The following LRCH1 variants were observed in gnomAD, a reference collection of about 807,000 sequenced individuals.
LRCH1 encodes the protein leucine-rich repeat and calponin homology domain-containing protein 1.
Under a neutral mutation model 94.9 loss-of-function variants are expected in LRCH1, and 23 were observed. The observed-to-expected ratio is 0.24, with a 90% confidence interval of 0.17 to 0.34. The LOEUF (loss-of-function observed/expected upper bound fraction) is 0.34, where lower values mean the gene tolerates loss of function less well. Among genes scored for constraint, LRCH1 ranks in the 10% least tolerant of loss-of-function variants. The pLI is 1.00. For synonymous variants in LRCH1, 364 were observed against 354.9 expected (o/e 1.03, Z -0.29); for missense variants, 790 against 945.9 (o/e 0.84, Z 2.16).
At chr13:46,587,279 A>G (rs1172440632) in intron 1 of LRCH1, among the ~76,000 whole-genome samples, 1 of 152,194 alleles carries the variant, frequency 6.6e-6, no homozygotes, top group Non-Finnish European at 1.5e-5. Flanking sequence ...TCTTCAGCCA[A>G]TGGAATGGCA....
chr13:46,553,823 C>T, intron 1 of LRCH1, 120 bp downstream of exon 1: 10 of 1,516,798 alleles, frequency 6.6e-6, no homozygotes, highest in Non-Finnish European at 8.9e-6. Context: ...GGTCCATCGG[C>T]CCGTTGTCTC....
At chr13:46,695,139 A>G in intron 9 of LRCH1, 122 bp downstream of exon 9, 1 of 1,213,396 alleles carries the variant, frequency 8.2e-7, no homozygotes, top group Non-Finnish European at 1.2e-6. Context: ...CCCTCCCTGA[A>G]GCGTTCCAAA....
intron 13 of LRCH1, among the ~76,000 whole-genome samples, chr13:46,709,632 T>A (rs907522994): frequency 9.2e-5 from 14 of 152,138 alleles, no homozygotes; most frequent in African/African-American, 3.1e-4. Context: ...CGGGAGTCCC[T>A]AGAAGACAGA....
chr13:46,683,434 A>G (rs1870443826), intron 4 of LRCH1, among the ~76,000 whole-genome samples: 2 of 152,200 alleles, frequency 1.3e-5, no homozygotes, highest in Non-Finnish European at 2.9e-5. Flanking sequence ...TGATTTTTCA[A>G]TTTGTCCTTG....
At chr13:46,659,136 T>A (rs1288893921) in intron 2 of LRCH1, among the ~76,000 whole-genome samples, 1 of 152,090 alleles carries the variant, frequency 6.6e-6, no homozygotes, top group Non-Finnish European at 1.5e-5. Flanking sequence ...TGTTCACAAT[T>A]TTTTTTCTGA....
chr13:46,700,934 G>A (rs550563762), intron 10 of LRCH1, among the ~76,000 whole-genome samples, 187 bp from the exon 11 acceptor site: 11 of 152,096 alleles, frequency 7.2e-5, no homozygotes, highest in Admixed American at 3.9e-4. Context: ...TCCCCTACTC[G>A]GGCTCTTCCC....
At chr13:46,658,679 C>T (rs1593331076) in intron 2 of LRCH1, among the ~76,000 whole-genome samples, 3 of 152,148 alleles carry the variant, frequency 2.0e-5, no homozygotes, top group South Asian at 2.1e-4. Context: ...TGGAGTCTCG[C>T]TCTGTGGCCT....
At chr13:46,703,012 T>G (rs1010391140) in intron 11 of LRCH1, among the ~76,000 whole-genome samples, 2 of 152,222 alleles carry the variant, frequency 1.3e-5, no homozygotes, top group African/African-American at 4.8e-5. Flanking sequence ...TGATTATTCA[T>G]GTTGTTAATT....
At chr13:46,715,927 T>G (rs556366803) in intron 16 of LRCH1, among the ~76,000 whole-genome samples, 1 of 152,014 alleles carries the variant, frequency 6.6e-6, no homozygotes, top group East Asian at 1.9e-4. Context: ...CTTTTCTGCT[T>G]GGGTTTTTTG....
rs148486562 is a variant in LRCH1 at position 46,613,529 on chromosome 13, T to A, written c.308-36672T>A. Reference sequence around the variant, plus strand: ...TTTGCTCAGGACTCAGCCTCCCATGTGGTTTTGGTAAGTGGTCTAAGACCT... The same window carrying A: ...TTTGCTCAGGACTCAGCCTCCCATGAGGTTTTGGTAAGTGGTCTAAGACCT... On this transcript the variant is annotated intron_variant, in intron 1 of 19. Transcript: ENST00000389797. Among the ~76,000 whole-genome samples, 233 of 152,294 alleles carry A rather than the reference T, an allele frequency of 1.5e-3. 2 individuals carry two copies. Among genetic ancestry groups the A allele is most frequent in the African/African-American group, 4.9e-3 (203 of 41,560 alleles).
Position 46,700,110 on chromosome 13 carries a change from C to A in LRCH1, c.1313+707C>A, listed in dbSNP as rs147159723. Among the ~76,000 whole-genome samples the A allele has an allele frequency of 3.7e-3, 568 of 152,200 alleles. 14 individuals carry two copies. Among genetic ancestry groups the A allele is most frequent in the Admixed American group, 0.027 (409 of 15,266 alleles). ...ATTTACAGGGGAGGGGGTGTGTGAT[C>A]CCATCAGACAATGAATCATGTCCAG... is the stretch of plus-strand genomic sequence containing the variant. On this transcript the variant is annotated intron_variant, in intron 10 of 19. Transcript: ENST00000389797.
At chr13:46,571,512 G>A (rs746595234) in intron 1 of LRCH1, among the ~76,000 whole-genome samples, 40 of 152,204 alleles carry the variant, frequency 2.6e-4, no homozygotes, top group African/African-American at 5.1e-4. Context: ...CGGGCTAGGC[G>A]TATCATTTCC....
chr13:46,652,343 T>C (rs1481549372), intron 2 of LRCH1, among the ~76,000 whole-genome samples: 3 of 151,980 alleles, frequency 2.0e-5, no homozygotes, highest in Non-Finnish European at 4.4e-5. Flanking sequence ...CCCAAAGTGC[T>C]GGGATTACAG....
At chr13:46,573,796 G>GTTCATGTACCT (rs1406113973) in intron 1 of LRCH1, among the ~76,000 whole-genome samples, 1 of 143,212 alleles carries the variant, frequency 7.0e-6, no homozygotes, top group Non-Finnish European at 1.5e-5. Context: ...TAGAATGAAT[G>GTTCATGTACCT]AAGGAACAAG....
rs528164262 is a variant in LRCH1 at position 46,686,109 on chromosome 13, C to T, written c.822+68C>T. On this transcript the variant is annotated intron_variant, in intron 5 of 19. Transcript: ENST00000389797. ...TGTTATAGGAGCCAAGGGAAAATTT[C>T]CCCTTCACCCTCTGAAAGTTTGCTG... The T allele has an allele frequency of 7.1e-4, 963 of 1,354,866 alleles. 5 individuals are homozygous for T. The African/African-American group carries it at 0.011, about 15-fold the overall frequency. 83.9% of individuals were successfully genotyped at this position (1,354,866 alleles called of 1,614,324 possible). A position where few individuals can be genotyped will look rare whatever the true frequency, so the allele number is the denominator to read the frequency against.
At chr13:46,633,642 TTCC>T (rs2051044950) in intron 1 of LRCH1, among the ~76,000 whole-genome samples, 1 of 152,192 alleles carries the variant, frequency 6.6e-6, no homozygotes, top group Non-Finnish European at 1.5e-5. Context: ...CTCATTTTCT[TTCC>T]TCATGTTTCA....
chr13:46,654,720 T>C (rs972201982), intron 2 of LRCH1, among the ~76,000 whole-genome samples: 3 of 152,200 alleles, frequency 2.0e-5, no homozygotes, highest in Non-Finnish European at 4.4e-5. Flanking sequence ...GTAGATGATA[T>C]CAAGTATAGT....
chr13:46,742,952 A>G lies in LRCH1; in HGVS notation c.*1104A>G, dbSNP rs770612969. On this transcript the variant is annotated 3_prime_UTR_variant, in exon 20 of 20. Transcript: ENST00000389797. ...CAGCTCAAAGGATTATATAGTAACT[A>G]TATCTGCATTTGGAGCAATGTGATC... 9 of 985,312 alleles carry G rather than the reference A, an allele frequency of 9.1e-6. No homozygotes were observed. Among genetic ancestry groups the G allele is most frequent in the Non-Finnish European group, 1.1e-5 (9 of 829,904 alleles). The allele number at this position is 985,312 out of a possible 1,614,324, so 61.0% of individuals were successfully genotyped here.
Position 46,744,202 on chromosome 13 carries a change from A to G in LRCH1, c.*2354A>G. The G allele has an allele frequency of 1.0e-6, 1 of 985,374 alleles. No homozygotes were observed. The highest frequency in any genetic ancestry group is 1.2e-6 in the Non-Finnish European group (1 of 829,904). 61.0% of individuals were successfully genotyped at this position (985,374 alleles called of 1,614,324 possible). A position where few individuals can be genotyped will look rare whatever the true frequency, so the allele number is the denominator to read the frequency against. ...CTGCCCTTGCAGCTTGACTGGGGAT[A>G]CCTGGCTGACCTCCTTAGAGTCTGA... On this transcript the variant is annotated 3_prime_UTR_variant, in exon 20 of 20. Transcript: ENST00000389797.
Sources: allele counts gnomAD v4.1 joint callset (sites outside exome capture counted in the v4.1 genomes callset), GRCh38; gene constraint gnomAD v4.1.1; transcripts MANE v1.5; gene names NCBI Gene and HGNC (gene_info 2026-07-23, HGNC 2026-07-21).